Variants in GATB observed in about 807,000 individuals in gnomAD.
The protein encoded by GATB is glutamyl-tRNA(Gln) amidotransferase subunit B, mitochondrial.
GATB carries 39 observed loss-of-function variants against 62.3 expected under a neutral mutation model. That is an observed-to-expected ratio of 0.63 (90% CI 0.48 to 0.82). The LOEUF (loss-of-function observed/expected upper bound fraction) is 0.82, where lower values mean the gene tolerates loss of function less well. Among genes scored for constraint, GATB ranks in the 40% least tolerant of loss-of-function variants. The pLI, the probability that GATB is intolerant of heterozygous loss-of-function variation, is 0.00. For synonymous variants in GATB, 276 were observed against 258.9 expected, an observed-to-expected ratio of 1.07 and a Z score of -0.63; for missense variants, 670 against 684.0, an observed-to-expected ratio of 0.98 and a Z score of 0.23.
intron 2 of GATB, among the ~76,000 whole-genome samples, chr4:151,753,067 CAG>C (rs1739750256): frequency 6.6e-6 from 1 of 152,104 alleles, no homozygotes; most frequent in Admixed American, 6.6e-5. Context: ...ATGGACATAC[CAG>C]GCCACCTAAG....
At chr4:151,727,511 G>A (rs923236399) in intron 2 of GATB, among the ~76,000 whole-genome samples, 1 of 152,232 alleles carries the variant, frequency 6.6e-6, no homozygotes, top group Admixed American at 6.5e-5. Flanking sequence ...ACAAGACTGG[G>A]TGTGTAGATT....
chr4:151,728,002 G>A (rs1293264138), intron 2 of GATB, among the ~76,000 whole-genome samples: 1 of 152,176 alleles, frequency 6.6e-6, no homozygotes, highest in Non-Finnish European at 1.5e-5. Context: ...TATGTATTAT[G>A]TCAACATAAT....
Position 151,714,439 on chromosome 4 carries a change from G to A in GATB, c.763+1570C>T, listed in dbSNP as rs867024640. On this transcript the variant is annotated intron_variant, in intron 5 of 12. Transcript: ENST00000263985. ...GGAGCTGGCTCCCTGCAGACTCCAG[G>A]CAGACCTCAGCTCCCACGGAACTTT... Among the ~76,000 whole-genome samples, 3 of 152,226 alleles carry A rather than the reference G, an allele frequency of 2.0e-5. No homozygotes were observed. In the South Asian group the frequency reaches 6.2e-4, roughly 32 times the overall value.
chr4:151,708,834 A>G (rs1343385807), intron 5 of GATB, among the ~76,000 whole-genome samples: 1 of 152,130 alleles, frequency 6.6e-6, no homozygotes, highest in East Asian at 1.9e-4. Flanking sequence ...GGCCCCTCAG[A>G]TTAGGAGCAA....
intron 11 of GATB, chr4:151,675,673 G>A (rs532164297): frequency 3.3e-5 from 5 of 152,502 alleles, no homozygotes; most frequent in African/African-American, 9.6e-5. Context: ...TTCCAGCCAG[G>A]AGCGCAGCTC....
At chr4:151,716,379 C>T (rs1738913612) in intron 4 of GATB, 5 of 432,032 alleles carry the variant, frequency 1.2e-5, no homozygotes, top group Non-Finnish European at 2.0e-5. Context: ...AACTTTTGAG[C>T]TCAAGTGATC....
intron 2 of GATB, among the ~76,000 whole-genome samples, chr4:151,734,086 C>T (rs752095331): frequency 5.3e-4 from 81 of 152,228 alleles, no homozygotes; most frequent in Non-Finnish European, 9.9e-4. Context: ...TAGTACTGGA[C>T]GCCCTAGCCA....
At chr4:151,744,272 A>G (rs1225314433) in intron 2 of GATB, among the ~76,000 whole-genome samples, 1 of 152,222 alleles carries the variant, frequency 6.6e-6, no homozygotes, top group Non-Finnish European at 1.5e-5. Flanking sequence ...ACGTGTATGC[A>G]AGTATATAGG....
At chr4:151,723,833 T>A (rs1244553167) in intron 2 of GATB, 1 of 152,144 alleles carries the variant, frequency 6.6e-6, no homozygotes, top group African/African-American at 2.4e-5. Flanking sequence ...TGGGTAGAGG[T>A]AGGAGATGAG....
chr4:151,675,374 CCCCCAG>C, intron 11 of GATB: 1 of 152,546 alleles, frequency 6.6e-6, no homozygotes, highest in South Asian at 2.1e-4. Flanking sequence ...ACAGTCGAGG[CCCCCAG>C]TCCCCAGTCC....
intron 6 of GATB, 110 bp from the exon 7 acceptor site, chr4:151,705,379 C>T: frequency 1.5e-6 from 1 of 655,394 alleles, no homozygotes; most frequent in Non-Finnish European, 2.7e-6. Flanking sequence ...AAAAAAAAAT[C>T]AAGAAGATTG....
chr4:151,721,710 G>A (rs993156662), intron 2 of GATB: 4 of 156,058 alleles, frequency 2.6e-5, no homozygotes, highest in Non-Finnish European at 5.6e-5. Context: ...CCTAACCACT[G>A]CTTTCGCTCT....
At chr4:151,713,303 T>A (rs1408498647) in intron 5 of GATB, among the ~76,000 whole-genome samples, 1 of 152,174 alleles carries the variant, frequency 6.6e-6, no homozygotes, top group Non-Finnish European at 1.5e-5. Context: ...ACTTGAATCA[T>A]CCTGAAACCA....
intron 2 of GATB, among the ~76,000 whole-genome samples, chr4:151,727,769 G>T (rs992408576): frequency 1.3e-5 from 2 of 152,140 alleles, no homozygotes; most frequent in Non-Finnish European, 2.9e-5. Flanking sequence ...TGGCAGGATT[G>T]TTCTATGAAT....
intron 5 of GATB, among the ~76,000 whole-genome samples, chr4:151,709,837 G>C (rs1738782965): frequency 6.6e-6 from 1 of 152,092 alleles, no homozygotes; most frequent in Admixed American, 6.5e-5. Flanking sequence ...GCTCCTACCG[G>C]ATTATCTGGG....
intron 7 of GATB, among the ~76,000 whole-genome samples, 197 bp from the exon 8 acceptor site, chr4:151,704,092 T>A (rs1738659860): frequency 6.6e-6 from 1 of 152,158 alleles, no homozygotes. Flanking sequence ...TTTTTTTTTT[T>A]TTTTAAAGGA....
At chr4:151,758,394 T>C (rs1285294409) in intron 2 of GATB, among the ~76,000 whole-genome samples, 1 of 152,206 alleles carries the variant, frequency 6.6e-6, no homozygotes, top group Non-Finnish European at 1.5e-5. Flanking sequence ...TTCGAAATCA[T>C]CCTCTGCATA....
chr4:151,731,700 A>G (rs1261785399), intron 2 of GATB, among the ~76,000 whole-genome samples: 1 of 148,246 alleles, frequency 6.7e-6, no homozygotes, highest in Non-Finnish European at 1.5e-5. Context: ...CCATCGTCTG[A>G]GATGTGGGGA....
chr4:151,719,595 C>G, intron 2 of GATB, 57 bp from the exon 3 acceptor site: 1 of 1,178,538 alleles, frequency 8.5e-7, no homozygotes, highest in Non-Finnish European at 1.2e-6. Flanking sequence ...AAATGCTTCT[C>G]CCACACACTG....
Sources: allele counts gnomAD v4.1 joint callset (sites outside exome capture counted in the v4.1 genomes callset), GRCh38; gene constraint gnomAD v4.1.1; transcripts MANE v1.5; gene names NCBI Gene and HGNC (gene_info 2026-07-23, HGNC 2026-07-21).